The following MIA2 variants were observed in gnomAD, a reference collection of about 807,000 sequenced individuals.
The protein encoded by MIA2 is MIA SH3 domain ER export factor 2, also known as melanoma inhibitory activity protein 2.
In MIA2, 127 loss-of-function variants were observed where a neutral mutation model predicts 167.8. The observed-to-expected ratio is 0.76, with a 90% CI of 0.66 to 0.88. The LOEUF (loss-of-function observed/expected upper bound fraction) is 0.88, where lower values mean the gene tolerates loss of function less well. Ranked by LOEUF, MIA2 falls within the 40% of genes least tolerant of loss-of-function variation. The pLI is 0.00. For synonymous variants in MIA2, 552 were observed against 541.9 expected, an observed-to-expected ratio of 1.02 and a Z score of -0.26; for missense variants, 1,690 against 1,624.7, an observed-to-expected ratio of 1.04 and a Z score of -0.69.
At chr14:39,340,627 T>C (rs1295940106) in intron 25 of MIA2, among the ~76,000 whole-genome samples, 1 of 152,234 alleles carries the variant, frequency 6.6e-6, no homozygotes, top group Non-Finnish European at 1.5e-5. Context: ...ATCTCTTTGA[T>C]GAAAACTTGT....
chr14:39,242,575 G>A (rs570481577), intron 3 of MIA2, among the ~76,000 whole-genome samples: 7 of 151,478 alleles, frequency 4.6e-5, no homozygotes, highest in Non-Finnish European at 1.0e-4. Flanking sequence ...CACTTGCCTC[G>A]GCCTCCCAAA....
At chr14:39,356,656 T>C (rs1334883888) in intron 23 of MIA2, among the ~76,000 whole-genome samples, 1 of 152,254 alleles carries the variant, frequency 6.6e-6, no homozygotes, top group Non-Finnish European at 1.5e-5. Flanking sequence ...GTGTCAATTT[T>C]AGAACTTTTT....
At position 39,238,793 on chromosome 14, in the gene MIA2, C is replaced by CAAAAAAAAAAAAAAAAAAAAA. The variant is rs769534317; in HGVS notation, c.250-1750_250-1749insAAAAAAAAAAAAAAAAAAAAA. On this transcript the variant is annotated intron_variant, in intron 2 of 28. Coordinates refer to ENST00000640607, the MANE Select transcript of MIA2 (RefSeq NM_001329214.4). ...TGGGTTACAAAGTGAGACCCTGTCT[C>CAAAAAAAAAAAAAAAAAAAAA]AAAAAAAAAAAAAAAAAACCCAAAA... Among the ~76,000 whole-genome samples, 237 of 30,772 alleles carry CAAAAAAAAAAAAAAAAAAAAA rather than the reference C, an allele frequency of 7.7e-3. 30 individuals are homozygous for CAAAAAAAAAAAAAAAAAAAAA. The highest frequency in any genetic ancestry group is 0.025 in the African/African-American group (140 of 5,500). The allele number at this position is 30,772 out of a possible 152,430, so 20.2% of individuals were successfully genotyped here.
intron 26 of MIA2, 26 bp downstream of exon 26, chr14:39,346,052 C>T: frequency 6.5e-7 from 1 of 1,533,564 alleles, no homozygotes; most frequent in Non-Finnish European, 8.9e-7. Context: ...TGCTTTTCTT[C>T]TTTAAAAATT....
rs187547775 is a variant in MIA2 at position 39,252,877 on chromosome 14, T to G, written c.1697T>G (p.Ile566Arg). 1 of 1,613,932 alleles carries G rather than the reference T, an allele frequency of 6.2e-7. No individual in the cohort carries two copies. The highest frequency in any genetic ancestry group is 1.3e-5 in the African/African-American group (1 of 74,940). ...ACCGAAGGGCCTGCTCTGGTGGAGA[T>G]AGACAGATCTGTGGAAAATACCCTG... ...VDTEGPALVE[I>R]DRSVENTLLN... The change falls in exon 5 of 29, where the codon ATA becomes AGA. Residue 566 changes from isoleucine to arginine, a missense_variant. By Grantham distance (97) the Ile-to-Arg change is moderately conservative. Transcript: ENST00000640607.
intron 3 of MIA2, among the ~76,000 whole-genome samples, chr14:39,243,116 T>A (rs562265416): frequency 9.3e-6 from 1 of 107,316 alleles, no homozygotes; most frequent in Non-Finnish European, 1.8e-5. Flanking sequence ...GAGTGAAACT[T>A]TGTCTCAAAA....
At chr14:39,319,342 A>G in intron 23 of MIA2, 51 bp downstream of exon 23, 5 of 884,948 alleles carry the variant, frequency 5.7e-6, no homozygotes, top group Non-Finnish European at 8.3e-6. Context: ...TTACATATAT[A>G]TATATATTGC....
intron 25 of MIA2, among the ~76,000 whole-genome samples, chr14:39,338,158 A>G (rs1433752450): frequency 1.3e-5 from 2 of 152,196 alleles, no homozygotes; most frequent in East Asian, 1.9e-4. Flanking sequence ...TGGTGGCACA[A>G]TAATTCTGTA....
intron 9 of MIA2, among the ~76,000 whole-genome samples, chr14:39,287,411 GGCATCCTT>G (rs2059974537): frequency 6.6e-6 from 1 of 151,788 alleles, no homozygotes; most frequent in Non-Finnish European, 1.5e-5. Context: ...GGTGGTTGTG[GGCATCCTT>G]GCTTTGTACC....
intron 9 of MIA2, among the ~76,000 whole-genome samples, chr14:39,290,424 A>G (rs937820428): frequency 6.6e-6 from 1 of 152,068 alleles, no homozygotes; most frequent in African/African-American, 2.4e-5. Context: ...CTTTTTTTGA[A>G]TAATTGAAGT....
At chr14:39,343,220 C>T (rs1312532679) in intron 25 of MIA2, among the ~76,000 whole-genome samples, 1 of 152,176 alleles carries the variant, frequency 6.6e-6, no homozygotes, top group Non-Finnish European at 1.5e-5. Flanking sequence ...TCTTGGCTGA[C>T]TGCAACCTCC....
At chr14:39,362,054 ATTAC>A (rs1489711463) in intron 23 of MIA2, among the ~76,000 whole-genome samples, 1 of 152,108 alleles carries the variant, frequency 6.6e-6, no homozygotes, top group Non-Finnish European at 1.5e-5. Flanking sequence ...AATATAGTTT[ATTAC>A]TTTATGATAT....
chr14:39,271,864 A>T (rs1039672442), intron 6 of MIA2, among the ~76,000 whole-genome samples: 2 of 152,048 alleles, frequency 1.3e-5, no homozygotes, highest in African/African-American at 4.8e-5. Context: ...GAATTTATTA[A>T]GTGAAAGGAA....
At chr14:39,302,799 A>G (rs1253641202) in intron 15 of MIA2, among the ~76,000 whole-genome samples, 1 of 152,156 alleles carries the variant, frequency 6.6e-6, no homozygotes, top group Non-Finnish European at 1.5e-5. Flanking sequence ...TGACCTAAAA[A>G]AAACCTTTTT....
chr14:39,355,537 C>A (rs1441716811), downstream of MIA2, among the ~76,000 whole-genome samples: 1 of 152,026 alleles, frequency 6.6e-6, no homozygotes, highest in Admixed American at 6.6e-5. Context: ...AATTGAATGC[C>A]CTTTATTTCC....
intron 17 of MIA2, among the ~76,000 whole-genome samples, chr14:39,304,677 G>A (rs1400099947): frequency 1.3e-5 from 2 of 152,104 alleles, no homozygotes; most frequent in South Asian, 2.1e-4. Flanking sequence ...GGTTTTAGAT[G>A]TTAAAAAGTA....
chr14:39,287,219 G>A (rs919018816), intron 9 of MIA2, among the ~76,000 whole-genome samples: 9 of 151,806 alleles, frequency 5.9e-5, no homozygotes, highest in East Asian at 3.9e-4. Context: ...GACTACAGGC[G>A]TGCACCACCA....
chr14:39,342,826 G>A (rs576511030), intron 25 of MIA2, among the ~76,000 whole-genome samples: 1 of 152,196 alleles, frequency 6.6e-6, no homozygotes, highest in East Asian at 1.9e-4. Flanking sequence ...TTTAGCGTGT[G>A]TAAACTTTCA....
chr14:39,309,858 A>G (rs1469193076), intron 18 of MIA2, among the ~76,000 whole-genome samples: 1 of 152,074 alleles, frequency 6.6e-6, no homozygotes, highest in East Asian at 1.9e-4. Context: ...GTGTGTGTGT[A>G]CATGCTGTTG....
Sources: allele counts gnomAD v4.1 joint callset (sites outside exome capture counted in the v4.1 genomes callset), GRCh38; gene constraint gnomAD v4.1.1; transcripts MANE v1.5; gene names NCBI Gene and HGNC (gene_info 2026-07-23, HGNC 2026-07-21).